Variants in POTEF observed in about 807,000 individuals in gnomAD.
The protein encoded by POTEF is ANKRD26-like family C member 1B.
POTEF carries 20 observed loss-of-function variants against 83.2 expected under a neutral mutation model. The ratio of observed to expected loss-of-function variants is 0.24; its 90% CI spans 0.17 to 0.35. The LOEUF is 0.35. POTEF is among the 10% of genes least tolerant of loss of function. The probability of loss-of-function intolerance (pLI) is 1.00; values close to 1 mark genes in which losing one functional copy is unlikely to be tolerated. For synonymous variants in POTEF, 196 were observed against 446.4 expected, an observed-to-expected ratio of 0.44 and a Z score of 7.07; for missense variants, 550 against 1,203.2, an observed-to-expected ratio of 0.46 and a Z score of 8.03.
chr2:130,117,498 T>C (rs1684872544), intron 3 of POTEF, among the ~76,000 whole-genome samples: 1 of 152,006 alleles, frequency 6.6e-6, no homozygotes, highest in Non-Finnish European at 1.5e-5. Context: ...GAAACAAGTT[T>C]GATTATATTT....
chr2:130,105,955 T>C (rs1242959291), intron 8 of POTEF, among the ~76,000 whole-genome samples: 1 of 150,844 alleles, frequency 6.6e-6, no homozygotes, highest in Non-Finnish European at 1.5e-5. Flanking sequence ...AGTGCCTGGT[T>C]TGGGAATGAG....
At chr2:130,128,588 G>C (rs369556346) in intron 1 of POTEF, among the ~76,000 whole-genome samples, 2 of 121,542 alleles carry the variant, frequency 1.6e-5, no homozygotes, top group East Asian at 5.1e-4. Flanking sequence ...TGTAGCACCC[G>C]ATAGTGCCCA....
chr2:130,117,932 T>C (rs1301812403), intron 3 of POTEF, among the ~76,000 whole-genome samples: 1 of 104,344 alleles, frequency 9.6e-6, no homozygotes, highest in Non-Finnish European at 1.9e-5. Context: ...CAGTATTTCA[T>C]TCCTTTTTTT....
chr2:130,120,724 C>G (rs1227062823), intron 2 of POTEF, 116 bp from the exon 3 acceptor site: 3 of 928,462 alleles, frequency 3.2e-6, no homozygotes, highest in South Asian at 1.8e-5. Flanking sequence ...GCCCACGCCC[C>G]CCCTGGGCGA....
intron 6 of POTEF, among the ~76,000 whole-genome samples, chr2:130,111,486 TG>T (rs1396325609): frequency 6.6e-6 from 1 of 151,930 alleles, no homozygotes; most frequent in Non-Finnish European, 1.5e-5. Flanking sequence ...CCACAGTATG[TG>T]GGAACAGCAA....
chr2:130,111,825 ACTGTT>A (rs2104816930), intron 6 of POTEF, among the ~76,000 whole-genome samples, 165 bp downstream of exon 6: 1 of 144,416 alleles, frequency 6.9e-6, no homozygotes, highest in Admixed American at 7.0e-5. Flanking sequence ...TCCTACTAAA[ACTGTT>A]CTTTATGTTG....
intron 5 of POTEF, among the ~76,000 whole-genome samples, chr2:130,114,239 A>C (rs939142092): frequency 6.6e-6 from 1 of 151,540 alleles, no homozygotes; most frequent in African/African-American, 2.4e-5. Context: ...ATTCTCTAAA[A>C]TTGAAGAGAA....
At position 130,075,038 on chromosome 2, in the gene POTEF, G is replaced by A. The variant is rs754003793; in HGVS notation, c.2434C>T (p.Pro812Ser). 2.2e-5 allele frequency: 35 copies of A among 1,613,714 alleles called. No homozygotes were observed. The highest frequency in any genetic ancestry group is 3.3e-5 in the Admixed American group (2 of 59,954). The change falls in exon 17 of 17, where the codon CCT becomes TCT. Residue 812 changes from proline (P) to serine (S), a missense_variant. Pro to Ser is a moderately conservative substitution (Grantham distance 74). Transcript: ENST00000409914. ...PVLLTEATLN[P>S]KANREKMTQI... ...GTCATCTTCTCGCGGTTGGCCTTAG[G>A]GTTCAGGGTGGCCTCGGTCAGCAGG...
chr2:130,105,253 C>T (rs569747429), intron 8 of POTEF, among the ~76,000 whole-genome samples: 2 of 151,302 alleles, frequency 1.3e-5, no homozygotes, highest in South Asian at 2.1e-4. Context: ...AATGTTATTT[C>T]TTACATAAAA....
intron 16 of POTEF, among the ~76,000 whole-genome samples, chr2:130,075,893 T>G (rs1272408685): frequency 2.6e-5 from 4 of 151,188 alleles, no homozygotes; most frequent in Non-Finnish European, 5.9e-5. Flanking sequence ...AAAAAGCCTT[T>G]TTTCTGAGTT....
In POTEF at chr2:130,111,925, T is replaced by C. The variant is rs1409697602; in HGVS notation, c.917+70A>G. ...CCCAGTAAGTATACATTAATCTTAT[T>C]AATTTAATATTTATGACTTGAGTGA... On this transcript the variant is annotated intron_variant, in intron 6 of 16. Transcript: ENST00000409914. 2 of 1,379,512 alleles carry C rather than the reference T, an allele frequency of 1.4e-6. 1 individual carries two copies. The highest frequency in any genetic ancestry group is 3.3e-5 in the African/African-American group (2 of 60,074). 85.5% of individuals were successfully genotyped at this position (1,379,512 alleles called of 1,614,324 possible).
At chr2:130,114,262 A>G (rs894816500) in intron 5 of POTEF, among the ~76,000 whole-genome samples, 18 of 151,788 alleles carry the variant, frequency 1.2e-4, no homozygotes, top group African/African-American at 3.6e-4. Context: ...TTGTCTCACC[A>G]TGCAAAGGAA....
intron 3 of POTEF, among the ~76,000 whole-genome samples, chr2:130,118,768 TCTC>T (rs1684914884): frequency 6.6e-6 from 1 of 151,808 alleles, no homozygotes; most frequent in Non-Finnish European, 1.5e-5. Context: ...CTGGTATGTT[TCTC>T]TTTTTGTATA....
rs563378420 is a variant in POTEF, at chr2:130,074,037, G to A, written c.*207C>T. The A allele has an allele frequency of 3.1e-5, 29 of 924,684 alleles. 2 individuals are homozygous for A. The South Asian group carries it at 4.8e-4, about 15-fold the overall frequency. The allele number at this position is 924,684 out of a possible 1,614,324, so 57.3% of individuals were successfully genotyped here. A position where few individuals can be genotyped will look rare whatever the true frequency, so the allele number is the denominator to read the frequency against. On this transcript the variant is annotated 3_prime_UTR_variant, in exon 17 of 17. Transcript: ENST00000409914. ...GAACAAGGTACAATCAAAGTCCTTG[G>A]CCACATTGTAGAACTTTGGAGGAAG...
chr2:130,127,465 GA>G (rs1415363197), intron 2 of POTEF, among the ~76,000 whole-genome samples: 2 of 150,302 alleles, frequency 1.3e-5, no homozygotes, highest in Non-Finnish European at 2.9e-5. Flanking sequence ...AGAGAAGGGG[GA>G]GGACTCCTTT....
chr2:130,107,939 C>T, intron 8 of POTEF, 70 bp downstream of exon 8: 1 of 1,600,536 alleles, frequency 6.2e-7, no homozygotes, highest in Non-Finnish European at 8.5e-7. Flanking sequence ...TTGTCTTCCA[C>T]AAAACCGGTC....
Position 130,117,515 on chromosome 2 carries a change from T to C in POTEF, c.522-2187A>G, listed in dbSNP as rs576408789. Reference sequence around the variant, plus strand: ...AACAAGTTTGATTATATTTTCTACATGTTTTCAGCTAACACGAGCAGATTC... The same window carrying C: ...AACAAGTTTGATTATATTTTCTACACGTTTTCAGCTAACACGAGCAGATTC... On this transcript the variant is annotated intron_variant, in intron 3 of 16. Coordinates refer to ENST00000409914, the MANE Select transcript of POTEF (RefSeq NM_001099771.2). Among the ~76,000 whole-genome samples the C allele has an allele frequency of 3.4e-4, 51 of 152,182 alleles. 1 individual carries two copies. The South Asian group carries it at 6.0e-3, about 18-fold the overall frequency.
At position 130,075,250 on chromosome 2, in the gene POTEF, T is replaced by C; in HGVS notation, c.2222A>G (p.Gln741Arg). 6.2e-7 allele frequency: 1 copy of C among 1,612,528 alleles called. No homozygotes were observed. Among genetic ancestry groups the C allele is most frequent in the South Asian group, 1.1e-5 (1 of 91,012 alleles). The change falls in exon 17 of 17, where the codon CAG (glutamine) becomes CGG (arginine). Residue 741 changes from glutamine (Q) to arginine (R), a missense_variant. Physicochemically the swap from Gln to Arg is conservative, Grantham distance 43. Coordinates refer to ENST00000409914, the MANE Select transcript of POTEF (RefSeq NM_001099771.2). ...FPSIVGRPRQ[Q>R]GMMGGMHQKE... ...CTGATGCATGCCCCCCATCATGCCC[T>C]GCTGCCTGGGGCGCCCCACGATGGA...
chr2:130,128,380 G>A (rs1302004415), intron 1 of POTEF, among the ~76,000 whole-genome samples: 2 of 151,900 alleles, frequency 1.3e-5, no homozygotes, highest in African/African-American at 2.4e-5. Flanking sequence ...ACCCGAAGGA[G>A]CAAGGAGACC....
Sources: allele counts gnomAD v4.1 joint callset (sites outside exome capture counted in the v4.1 genomes callset), GRCh38; gene constraint gnomAD v4.1.1; transcripts MANE v1.5; gene names NCBI Gene and HGNC (gene_info 2026-07-23, HGNC 2026-07-21).